TENT5D: variants seen among roughly 807,000 people sequenced by gnomAD.
The protein encoded by TENT5D is terminal nucleotidyltransferase 5D.
For synonymous variants in TENT5D, 103 were observed against 100.6 expected, an observed-to-expected ratio of 1.02 and a Z score of -0.15; for missense variants, 191 against 287.0, an observed-to-expected ratio of 0.67 and a Z score of 2.42.
intron 3 of TENT5D, among the ~76,000 whole-genome samples, chrX:80,348,643 C>T (rs1280207237): frequency 9.0e-6 from 1 of 111,530 alleles, no homozygotes; most frequent in Non-Finnish European, 1.9e-5. Context: ...TATTTGAATG[C>T]CCTTTATTTC....
chrX:80,353,430 C>A (rs1210012660), intron 3 of TENT5D, among the ~76,000 whole-genome samples: 2 of 111,478 alleles, frequency 1.8e-5, no homozygotes, highest in South Asian at 7.6e-4. Context: ...TCGCCCTCCT[C>A]CTATCCTCTA....
intron 3 of TENT5D, among the ~76,000 whole-genome samples, chrX:80,362,288 C>T (rs1239169787): frequency 9.0e-6 from 1 of 110,961 alleles, no homozygotes; most frequent in African/African-American, 3.3e-5. Context: ...CTCAGCCTCC[C>T]GAGTAGCTGG....
At chrX:80,400,750 G>A (rs1478013007) in intron 3 of TENT5D, among the ~76,000 whole-genome samples, 1 of 111,632 alleles carries the variant, frequency 9.0e-6, no homozygotes. Context: ...TATGGTTTCA[G>A]TTCAGGATTT....
intron 1 of TENT5D, among the ~76,000 whole-genome samples, chrX:80,432,088 C>T (rs983767236): frequency 9.1e-6 from 1 of 110,262 alleles, no homozygotes; most frequent in African/African-American, 3.3e-5. Context: ...CTGACTTTGC[C>T]CAGTAAGACT....
intron 1 of TENT5D, among the ~76,000 whole-genome samples, chrX:80,426,866 T>C (rs1931997377): frequency 8.9e-6 from 1 of 111,834 alleles, no homozygotes; most frequent in East Asian, 2.8e-4. Context: ...AATTTCCACA[T>C]GTTGTGGAAG....
chrX:80,403,396 G>T (rs73223481), intron 3 of TENT5D, among the ~76,000 whole-genome samples: 1 of 111,035 alleles, frequency 9.0e-6, no homozygotes, highest in Admixed American at 9.6e-5. Flanking sequence ...GCATTTTCTC[G>T]CAGTTTTTAC....
intron 3 of TENT5D, among the ~76,000 whole-genome samples, chrX:80,388,063 G>A: frequency 9.0e-6 from 1 of 110,708 alleles, no homozygotes; most frequent in Middle Eastern, 4.6e-3. Context: ...GTTCATTCAA[G>A]GGCCAAGGGC....
intron 3 of TENT5D, among the ~76,000 whole-genome samples, chrX:80,389,277 GAAGGATGA>G (rs1330942515): frequency 8.9e-6 from 1 of 112,007 alleles, no homozygotes; most frequent in African/African-American, 3.2e-5. Flanking sequence ...GTTCCTGTGG[GAAGGATGA>G]ATGTTGGAGG....
intron 3 of TENT5D, among the ~76,000 whole-genome samples, chrX:80,353,262 C>A (rs754094088): frequency 8.9e-5 from 10 of 112,026 alleles, no homozygotes; most frequent in Admixed American, 4.7e-4. Flanking sequence ...ATGGCTTGTT[C>A]TTTCATTATC....
At chrX:80,412,541 C>A (rs893418305) in intron 3 of TENT5D, among the ~76,000 whole-genome samples, 2 of 112,376 alleles carry the variant, frequency 1.8e-5, no homozygotes, top group Non-Finnish European at 3.8e-5. Flanking sequence ...ACACAAGTCA[C>A]CTTTTGAATG....
chrX:80,351,440 G>A (rs1381887401), intron 3 of TENT5D, among the ~76,000 whole-genome samples: 3 of 105,934 alleles, frequency 2.8e-5, no homozygotes, highest in Non-Finnish European at 5.8e-5. Context: ...TGATTGATTC[G>A]GCTGTTGATA....
At chrX:80,427,627 A>G (rs758937265) in intron 1 of TENT5D, among the ~76,000 whole-genome samples, 6 of 111,968 alleles carry the variant, frequency 5.4e-5, no homozygotes, top group Non-Finnish European at 1.1e-4. Context: ...CACATGTATA[A>G]CTACACAGAC....
chrX:80,436,023 C>T (rs1218736151), intron 1 of TENT5D, among the ~76,000 whole-genome samples: 2 of 111,792 alleles, frequency 1.8e-5, no homozygotes, highest in Non-Finnish European at 3.8e-5. Flanking sequence ...GGGTGAACAA[C>T]ATGAGGTCAA....
At chrX:80,341,710 C>CT (rs1051286979) in intron 2 of TENT5D, among the ~76,000 whole-genome samples, 6,941 of 91,316 alleles carry the variant, frequency 0.076, 363 homozygotes, top group Non-Finnish European at 0.12. Context: ...TAATTCTTTT[C>CT]TTTTTTTTTT....
chrX:80,361,705 C>A (rs1435998071), intron 3 of TENT5D, among the ~76,000 whole-genome samples: 1 of 111,790 alleles, frequency 8.9e-6, no homozygotes, highest in East Asian at 2.8e-4. Context: ...TTATAAGTAG[C>A]CTGAGTTGCA....
chrX:80,417,485 C>T (rs1217317683), upstream of TENT5D, among the ~76,000 whole-genome samples: 1 of 105,727 alleles, frequency 9.5e-6, no homozygotes, highest in Non-Finnish European at 1.9e-5. Flanking sequence ...TTCAGGACCT[C>T]TTCTAAGGCA....
chrX:80,442,663 G>T (rs766257081), exon 3 of TENT5D: 1 of 1,210,760 alleles, frequency 8.3e-7, no homozygotes, highest in East Asian at 3.0e-5. Flanking sequence ...AAAACCAAAA[G>T]ACATCATTCA....
At chrX:80,397,736 A>G (rs1404737403) in intron 3 of TENT5D, among the ~76,000 whole-genome samples, 1 of 112,723 alleles carries the variant, frequency 8.9e-6, no homozygotes, top group African/African-American at 3.2e-5. Flanking sequence ...AGACCATCCC[A>G]GCCAACACAG....
chrX:80,436,823 T>A (rs769780395), intron 1 of TENT5D, among the ~76,000 whole-genome samples: 1 of 111,941 alleles, frequency 8.9e-6, no homozygotes, highest in African/African-American at 3.2e-5. Flanking sequence ...GGAAACACAC[T>A]TCTACTTTTA....
Sources: gnomAD v4.1 joint callset for allele counts (sites outside exome capture counted in the v4.1 genomes callset) on GRCh38, gnomAD v4.1.1 for gene constraint, MANE v1.5 for transcripts, NCBI Gene and HGNC (gene_info 2026-07-23, HGNC 2026-07-21) for gene names.